Variants in AMN1 observed in about 807,000 individuals in gnomAD.
AMN1 encodes antagonist of mitotic exit network 1 homolog.
In AMN1, 20 loss-of-function variants were observed where a neutral mutation model predicts 33.0. That is an observed-to-expected ratio of 0.61 (90% CI 0.43 to 0.88). The LOEUF (loss-of-function observed/expected upper bound fraction) is 0.88. AMN1 is among the 40% of genes least tolerant of loss of function. The pLI, the probability that AMN1 is intolerant of heterozygous loss-of-function variation, is 0.00. For missense variants in AMN1, 246 were observed against 307.4 expected (o/e 0.80, Z 1.49); for synonymous variants, 114 against 111.9 (o/e 1.02, Z -0.12).
intron 5 of AMN1, among the ~76,000 whole-genome samples, chr12:31,692,524 T>C (rs1198248929): frequency 6.6e-6 from 1 of 151,824 alleles, no homozygotes; most frequent in Non-Finnish European, 1.5e-5. Flanking sequence ...TCTGGCAGAT[T>C]AGGGTCTTAC....
chr12:31,672,442 C>T (rs1375926526), intron 6 of AMN1, 65 bp from the exon 7 acceptor site: 2 of 1,119,584 alleles, frequency 1.8e-6, no homozygotes, highest in Non-Finnish European at 2.6e-6. Context: ...TTCCTCATGT[C>T]TAACTGGAGG....
In AMN1 at chr12:31,688,582, C is replaced by A. The variant is rs60557264; in HGVS notation, c.703+425G>T. On this transcript the variant is annotated intron_variant, in intron 6 of 6. Coordinates refer to ENST00000281471, the MANE Select transcript of AMN1 (RefSeq NM_001113402.2). The stretch of plus-strand genomic sequence containing the variant: ...TAGCACTTTGGGAGGCCAAGGCAGG[C>A]GGATTGCCTGAGCTCAGGAGTTAGA... Among the ~76,000 whole-genome samples the A allele has an allele frequency of 8.4e-3, 1,274 of 151,398 alleles. 18 individuals carry two copies. Among genetic ancestry groups the A allele is most frequent in the African/African-American group, 0.029 (1,202 of 41,486 alleles).
At chr12:31,702,837 A>C (rs979637668) in intron 2 of AMN1, among the ~76,000 whole-genome samples, 1 of 152,206 alleles carries the variant, frequency 6.6e-6, no homozygotes, top group Non-Finnish European at 1.5e-5. Flanking sequence ...TCCCGGGTTC[A>C]AGCGATTCTC....
intron 2 of AMN1, among the ~76,000 whole-genome samples, chr12:31,708,202 A>G (rs1939324483): frequency 6.6e-6 from 1 of 152,214 alleles, no homozygotes; most frequent in Non-Finnish European, 1.5e-5. Context: ...CAGACGTGCA[A>G]GTAGGAGAGA....
At chr12:31,690,954 T>C (rs1011296939) in intron 5 of AMN1, among the ~76,000 whole-genome samples, 7 of 151,824 alleles carry the variant, frequency 4.6e-5, no homozygotes, top group African/African-American at 1.2e-4. Context: ...GCTAACATGG[T>C]GAAACCCCCC....
rs150548780 is a variant in AMN1, at chr12:31,692,003, A to G, written c.592-2885T>C. Among the ~76,000 whole-genome samples, 1,267 of 151,932 alleles carry G rather than the reference A, an allele frequency of 8.3e-3. 17 individuals carry two copies. Among genetic ancestry groups the G allele is most frequent in the African/African-American group, 0.029 (1,196 of 41,478 alleles). On this transcript the variant is annotated intron_variant, in intron 5 of 6. Coordinates refer to ENST00000281471, the MANE Select transcript of AMN1 (RefSeq NM_001113402.2). ...AGTGATTTTTCTGCCTCAGCCTCCC[A>G]AGTAGCTGGGATTACAGGCATGTGC...
intron 3 of AMN1, among the ~76,000 whole-genome samples, chr12:31,699,871 T>C (rs572259322): frequency 1.0e-3 from 153 of 152,272 alleles, no homozygotes; most frequent in African/African-American, 3.5e-3. Context: ...AATTAAATTG[T>C]AGCGCACCCA....
intron 1 of AMN1, among the ~76,000 whole-genome samples, chr12:31,726,372 A>G (rs1940070527): frequency 6.6e-6 from 1 of 151,538 alleles, no homozygotes. Context: ...TGTTGGTCAG[A>G]CTAGTCTCGA....
At chr12:31,676,745 T>C (rs1262721634) in intron 6 of AMN1, among the ~76,000 whole-genome samples, 1 of 151,838 alleles carries the variant, frequency 6.6e-6, no homozygotes, top group East Asian at 1.9e-4. Context: ...CTATTCTGTT[T>C]TGAATTCACT....
intron 5 of AMN1, among the ~76,000 whole-genome samples, chr12:31,694,715 C>T (rs1471626864): frequency 1.3e-5 from 2 of 152,142 alleles, no homozygotes; most frequent in Non-Finnish European, 2.9e-5. Flanking sequence ...CACTGTACTC[C>T]ACCCTGGGTG....
chr12:31,706,589 G>T (rs1400153700), intron 2 of AMN1, among the ~76,000 whole-genome samples: 9 of 152,126 alleles, frequency 5.9e-5, no homozygotes. Context: ...CACAGGAGTA[G>T]TATCGAAGGA....
chr12:31,699,684 C>T (rs569901392), intron 3 of AMN1, among the ~76,000 whole-genome samples: 9 of 152,248 alleles, frequency 5.9e-5, no homozygotes, highest in Admixed American at 1.3e-4. Flanking sequence ...GTGAGCCATT[C>T]TGACAAATTA....
intron 6 of AMN1, among the ~76,000 whole-genome samples, chr12:31,688,445 C>T (rs1938362412): frequency 6.6e-6 from 1 of 152,184 alleles, no homozygotes; most frequent in Non-Finnish European, 1.5e-5. Flanking sequence ...GCCACCATTA[C>T]CACCTTCATT....
intron 1 of AMN1, among the ~76,000 whole-genome samples, chr12:31,725,990 C>T (rs1940048833): frequency 6.6e-6 from 1 of 152,126 alleles, no homozygotes; most frequent in African/African-American, 2.4e-5. Flanking sequence ...TGAGCCACTG[C>T]ACCCAGCCTA....
At chr12:31,706,732 G>T (rs1592167472) in intron 2 of AMN1, among the ~76,000 whole-genome samples, 1 of 152,130 alleles carries the variant, frequency 6.6e-6, no homozygotes, top group South Asian at 2.1e-4. Context: ...CTGCCTTGGA[G>T]CTCATCACTC....
At position 31,697,882 on chromosome 12, in the gene AMN1, T is replaced by A; in HGVS notation, c.392A>T (p.Glu131Val). Residue 131 changes from glutamate (E) to valine (V), a missense_variant, in exon 4 of 7, where the codon GAA becomes GTA. Physicochemically the swap from Glu to Val is moderately radical, Grantham distance 121 (BLOSUM62 -2). Coordinates refer to ENST00000281471, the MANE Select transcript of AMN1 (RefSeq NM_001113402.2). ...ATTGAGTGCAAGAGCAACGACTCCT[T>A]CGTCAGTGAGATTGCAGCATCTTTT... The part of the protein sequence containing the change: ...SLKRCCNLTD[E>V]GVVALALNCQ... 1 of 1,614,018 alleles carries A rather than the reference T, an allele frequency of 6.2e-7. No individual in the cohort carries two copies. The highest frequency in any genetic ancestry group is 8.5e-7 in the Non-Finnish European group (1 of 1,179,884).
chr12:31,701,973 C>T lies in AMN1; in HGVS notation c.206G>A (p.Arg69Gln), dbSNP rs375140557. 9.3e-6 allele frequency: 15 copies of T among 1,606,678 alleles called. No individual in the cohort carries two copies. The highest frequency in any genetic ancestry group is 6.7e-5 in the African/African-American group (5 of 74,534). ...LHPEVQTLDL[R>Q]SCDISDAALL... Reference sequence around the variant, plus strand: ...AGCAGCATCTGATATATCGCAGCTCCGTAGATCTAGAGTTTGGACTTCAGG... The same window carrying T: ...AGCAGCATCTGATATATCGCAGCTCTGTAGATCTAGAGTTTGGACTTCAGG... Residue 69 changes from arginine to glutamine, a missense_variant, in exon 3 of 7, where the codon CGG (arginine) becomes CAG (glutamine). Coordinates refer to ENST00000281471, the MANE Select transcript of AMN1 (RefSeq NM_001113402.2).
In AMN1 at chr12:31,701,945, G is replaced by A. The variant is rs942438911; in HGVS notation, c.234C>T (p.Leu78=). Residue 78 remains leucine (L), a synonymous_variant, in exon 3 of 7, where the codon CTC becomes CTT. Transcript: ENST00000281471. ...LRSCDISDAA[L]LHLSNCRKLK... is the part of the protein sequence containing the mutation. ...GTTTTCTACAGTTAGACAGGTGCAG[G>A]AGAGCAGCATCTGATATATCGCAGC... 1.9e-5 allele frequency: 30 copies of A among 1,610,528 alleles called. No homozygotes were observed. Among genetic ancestry groups the A allele is most frequent in the African/African-American group, 2.7e-5 (2 of 74,790 alleles).
At position 31,706,311 on chromosome 12, in the gene AMN1, CAAA is replaced by C. The variant is rs3032986; in HGVS notation, c.171+2979_171+2981del. On this transcript the variant is annotated intron_variant, in intron 2 of 6. Transcript: ENST00000281471. ...TGGGTGAAACAGCAAGACTCCGTCTCAAAAAAAAAAAAAAAAAAAAAAAAATCT... is the reference window on the plus strand; with the variant it reads ...TGGGTGAAACAGCAAGACTCCGTCTCAAAAAAAAAAAAAAAAAAAAAATCT... 1.3e-3 allele frequency among the ~76,000 whole-genome samples: 86 copies of C among 65,990 alleles called. 1 individual carries two copies. The highest frequency in any genetic ancestry group is 8.2e-3 in the South Asian group (17 of 2,062). The allele number at this position is 65,990 out of a possible 152,430, so 43.3% of individuals were successfully genotyped here.
Sources: gnomAD v4.1 joint callset for allele counts (sites outside exome capture counted in the v4.1 genomes callset) on GRCh38, gnomAD v4.1.1 for gene constraint, MANE v1.5 for transcripts, NCBI Gene and HGNC (gene_info 2026-07-23, HGNC 2026-07-21) for gene names.